Variants in CTNNA3 observed in about 807,000 individuals in gnomAD.
CTNNA3 encodes the protein catenin alpha 3, also known as catenin alpha-3.
In CTNNA3, 76 loss-of-function variants were observed where a neutral mutation model predicts 95.7. That is an observed-to-expected ratio of 0.79 (90% CI 0.66 to 0.96). The LOEUF is 0.96. CTNNA3 is among the 40% of genes least tolerant of loss of function. The pLI is 0.00. For synonymous variants in CTNNA3, 431 were observed against 374.4 expected (o/e 1.15, Z -1.74); for missense variants, 1,191 against 1,089.8 (o/e 1.09, Z -1.31).
chr10:66,405,033 G>GTT (rs1221807718), intron 11 of CTNNA3, among the ~76,000 whole-genome samples: 1 of 152,170 alleles, frequency 6.6e-6, no homozygotes, highest in Non-Finnish European at 1.5e-5. Flanking sequence ...GCCAGGGTGA[G>GTT]TTTGGTAGGA....
chr10:66,484,684 C>A (rs908623706), intron 11 of CTNNA3, among the ~76,000 whole-genome samples: 4 of 151,674 alleles, frequency 2.6e-5, no homozygotes, highest in Admixed American at 6.6e-5. Flanking sequence ...AATCAGTAAC[C>A]GAAAACCTCC....
At chr10:66,165,406 C>T (rs144454920) in intron 13 of CTNNA3, among the ~76,000 whole-genome samples, 3,006 of 152,200 alleles carry the variant, frequency 0.02, 39 homozygotes, top group Non-Finnish European at 0.032. Context: ...CAATTTTACT[C>T]TAAGTAAAAT....
chr10:66,388,589 T>G (rs1296266879), intron 11 of CTNNA3, among the ~76,000 whole-genome samples: 1 of 152,114 alleles, frequency 6.6e-6, no homozygotes, highest in Non-Finnish European at 1.5e-5. Context: ...TCTGAGGCCA[T>G]AGTGTTAAAT....
At chr10:66,469,787 A>G (rs1241086398) in intron 11 of CTNNA3, among the ~76,000 whole-genome samples, 1 of 151,854 alleles carries the variant, frequency 6.6e-6, no homozygotes, top group African/African-American at 2.4e-5. Context: ...AGAGAAAGAT[A>G]TCTAGGAAGT....
intron 5 of CTNNA3, among the ~76,000 whole-genome samples, chr10:67,514,980 G>A (rs139084780): frequency 2.0e-5 from 3 of 152,080 alleles, no homozygotes; most frequent in East Asian, 1.9e-4. Context: ...GACAACAGAC[G>A]GAAACAGAAT....
chr10:66,015,985 G>T (rs1029924464), intron 15 of CTNNA3, among the ~76,000 whole-genome samples: 1 of 152,014 alleles, frequency 6.6e-6, no homozygotes, highest in Admixed American at 6.6e-5. Context: ...CTCAGATCAC[G>T]GGAATTTAAT....
intron 5 of CTNNA3, among the ~76,000 whole-genome samples, chr10:67,328,984 C>T (rs1841670325): frequency 6.6e-6 from 1 of 152,162 alleles, no homozygotes. Flanking sequence ...TGATTTGTAA[C>T]ATCCAGATAA....
intron 5 of CTNNA3, among the ~76,000 whole-genome samples, chr10:67,292,103 G>T (rs965297316): frequency 6.6e-6 from 1 of 152,160 alleles, no homozygotes; most frequent in Admixed American, 6.5e-5. Flanking sequence ...TTCCGGGTAT[G>T]GGGCAGGACT....
chr10:67,724,042 G>C (rs1841194644), intron 1 of CTNNA3, among the ~76,000 whole-genome samples: 1 of 152,154 alleles, frequency 6.6e-6, no homozygotes, highest in Non-Finnish European at 1.5e-5. Context: ...AAACAGTTCT[G>C]AGTAGCATGA....
rs77165728 is a variant in CTNNA3, at chr10:66,103,234, C to T, written c.1900G>A (p.Glu634Lys). 1,050 of 1,613,894 alleles carry T rather than the reference C, an allele frequency of 6.5e-4. No individual in the cohort carries two copies. The highest frequency in any genetic ancestry group is 8.2e-4 in the Non-Finnish European group (971 of 1,179,804). ...VMMIRTPEEL[E>K]DVSDLEEEHE... is the part of the protein sequence containing the mutation. ...TCCTCTTCAAGGTCAGAAACATCCT[C>T]CAGTTCCTCTGGGGTCTATAAAAAG... Residue 634 changes from glutamate (E) to lysine (K), a missense_variant, in exon 14 of 18, where the codon GAG becomes AAG. By Grantham distance (56) the Glu-to-Lys change is moderately conservative. Transcript: ENST00000433211.
At chr10:67,651,278 CT>C (rs1839871164) in intron 1 of CTNNA3, among the ~76,000 whole-genome samples, 1 of 152,074 alleles carries the variant, frequency 6.6e-6, no homozygotes, top group African/African-American at 2.4e-5. Flanking sequence ...ATGTTTAAGT[CT>C]TTTTTATTTC....
intron 1 of CTNNA3, among the ~76,000 whole-genome samples, chr10:67,701,365 C>G (rs1841038025): frequency 6.6e-6 from 1 of 152,114 alleles, no homozygotes; most frequent in Non-Finnish European, 1.5e-5. Context: ...ATGGTAAGGG[C>G]AGCCAGAGAC....
intron 15 of CTNNA3, among the ~76,000 whole-genome samples, chr10:66,048,893 A>C (rs937387170): frequency 2.0e-5 from 3 of 152,212 alleles, no homozygotes; most frequent in African/African-American, 7.2e-5. Flanking sequence ...AGATTTCATG[A>C]TGAAGACACC....
chr10:66,435,280 CT>C (rs953645262), intron 11 of CTNNA3, among the ~76,000 whole-genome samples: 3 of 151,646 alleles, frequency 2.0e-5, no homozygotes, highest in East Asian at 3.9e-4. Context: ...TGGTCCTGGG[CT>C]TTTTTTTGGT....
intron 7 of CTNNA3, among the ~76,000 whole-genome samples, chr10:66,978,552 A>ATATATATATATATATATATAT (rs1197845049): frequency 2.6e-5 from 1 of 37,884 alleles, no homozygotes; most frequent in Admixed American, 4.9e-4. Flanking sequence ...AAAAAAAAAA[A>ATATATATATATATATATATAT]ATATATATAT....
chr10:66,800,641 T>C (rs190730786), intron 7 of CTNNA3, among the ~76,000 whole-genome samples: 100 of 151,386 alleles, frequency 6.6e-4, no homozygotes, highest in African/African-American at 2.1e-3. Flanking sequence ...TCTACAAGAA[T>C]ATAACACAAT....
intron 10 of CTNNA3, among the ~76,000 whole-genome samples, chr10:66,528,400 C>T (rs1051432989): frequency 2.0e-5 from 3 of 152,128 alleles, no homozygotes; most frequent in African/African-American, 7.2e-5. Flanking sequence ...CCTTGAACAT[C>T]TAAACTACGT....
chr10:67,239,753 A>G (rs1446972166), intron 5 of CTNNA3, among the ~76,000 whole-genome samples: 1 of 152,228 alleles, frequency 6.6e-6, no homozygotes, highest in Non-Finnish European at 1.5e-5. Flanking sequence ...TAAACTAGCT[A>G]TGGACTGGCT....
chr10:67,143,425 TAAAA>T (rs61603392), intron 7 of CTNNA3, among the ~76,000 whole-genome samples: 6 of 76,000 alleles, frequency 7.9e-5, no homozygotes, highest in South Asian at 5.1e-4. Flanking sequence ...GGCTCTGTCT[TAAAA>T]AAAAAAAAAA....
Sources: gnomAD v4.1 joint callset for allele counts (sites outside exome capture counted in the v4.1 genomes callset) on GRCh38, gnomAD v4.1.1 for gene constraint, MANE v1.5 for transcripts, NCBI Gene and HGNC (gene_info 2026-07-23, HGNC 2026-07-21) for gene names.